PATJ: variants seen among roughly 807,000 people sequenced by gnomAD.
The protein encoded by PATJ is PATJ crumbs cell polarity complex component.
Under a neutral mutation model 224.9 loss-of-function variants are expected in PATJ, and 190 were observed. The ratio of observed to expected loss-of-function variants is 0.84; its 90% confidence interval spans 0.75 to 0.95. PATJ has a LOEUF of 0.95. Ranked by LOEUF, PATJ falls within the 40% of genes least tolerant of loss-of-function variation. The pLI is 0.00. For missense variants in PATJ, 2,121 were observed against 2,270.3 expected (o/e 0.93, Z 1.34); for synonymous variants, 769 against 820.3 (o/e 0.94, Z 1.07).
chr1:62,119,186 G>T (rs1185699800), intron 37 of PATJ, among the ~76,000 whole-genome samples: 1 of 152,090 alleles, frequency 6.6e-6, no homozygotes, highest in South Asian at 2.1e-4. Flanking sequence ...TCATCACCTT[G>T]TGCTTAAAAT....
At chr1:62,047,529 C>T (rs754844838) in intron 30 of PATJ, among the ~76,000 whole-genome samples, 9 of 152,156 alleles carry the variant, frequency 5.9e-5, no homozygotes, top group Non-Finnish European at 1.0e-4. Flanking sequence ...GGATTACAGG[C>T]GTGAGCCACC....
intron 17 of PATJ, among the ~76,000 whole-genome samples, chr1:61,836,977 T>C (rs1660281803): frequency 6.6e-6 from 1 of 152,240 alleles, no homozygotes; most frequent in Admixed American, 6.5e-5. Context: ...TTAGCATTAT[T>C]GTAGAGATTG....
At chr1:62,158,982 TA>T (rs1558251607) in intron 43 of PATJ, among the ~76,000 whole-genome samples, 1 of 152,130 alleles carries the variant, frequency 6.6e-6, no homozygotes. Flanking sequence ...CTTGCATTAC[TA>T]AAAAAGATAA....
At chr1:62,035,942 G>A (rs1272951165) in intron 29 of PATJ, among the ~76,000 whole-genome samples, 1 of 152,084 alleles carries the variant, frequency 6.6e-6, no homozygotes, top group Non-Finnish European at 1.5e-5. Flanking sequence ...AAGCAGAGCA[G>A]AAGAGAGTGG....
rs567297698 is a variant in PATJ, at chr1:61,945,803, C to T, written c.3670+17974C>T. 8.9e-4 allele frequency among the ~76,000 whole-genome samples: 136 copies of T among 152,276 alleles called. 2 individuals are homozygous for T. The highest frequency in any genetic ancestry group is 3.0e-3 in the African/African-American group (124 of 41,556). On this transcript the variant is annotated intron_variant, in intron 27 of 43. Transcript: ENST00000642238. ...ACATCGCACTTATTCCAAAATTGAC[C>T]ACATAGTTGAAAGTAAAGCACTCCT...
At chr1:61,933,751 T>C (rs1676387982) in intron 27 of PATJ, among the ~76,000 whole-genome samples, 1 of 152,156 alleles carries the variant, frequency 6.6e-6, no homozygotes. Context: ...TAAAATGTTA[T>C]GTCTTCTCCA....
chr1:62,017,529 AC>A (rs1646841560), intron 28 of PATJ, among the ~76,000 whole-genome samples: 1 of 151,572 alleles, frequency 6.6e-6, no homozygotes, highest in Admixed American at 6.6e-5. Context: ...TTTAAGACCA[AC>A]CCCAACCTAG....
intron 24 of PATJ, 57 bp from the exon 25 acceptor site, chr1:61,908,315 A>G (rs1461014695): frequency 1.8e-6 from 2 of 1,138,202 alleles, no homozygotes; most frequent in African/African-American, 3.0e-5. Context: ...CTTTGAATTA[A>G]CCTGTCCACA....
intron 43 of PATJ, among the ~76,000 whole-genome samples, chr1:62,156,540 C>T (rs1021975594): frequency 1.4e-5 from 2 of 146,934 alleles, no homozygotes; most frequent in African/African-American, 5.0e-5. Context: ...AAAAAAAAAA[C>T]CTCCAATGTA....
At chr1:61,923,569 G>A (rs578003582) in intron 26 of PATJ, among the ~76,000 whole-genome samples, 16 of 151,968 alleles carry the variant, frequency 1.1e-4, no homozygotes, top group East Asian at 1.9e-4. Context: ...CAAATCACCC[G>A]AAACTCATTT....
At chr1:61,931,779 A>C (rs571528052) in intron 27 of PATJ, among the ~76,000 whole-genome samples, 4 of 152,144 alleles carry the variant, frequency 2.6e-5, no homozygotes, top group African/African-American at 9.7e-5. Flanking sequence ...TGAAACCTAA[A>C]TGAAGAAGGA....
chr1:62,009,569 C>A (rs1112774), intron 28 of PATJ, among the ~76,000 whole-genome samples: 1 of 151,198 alleles, frequency 6.6e-6, no homozygotes, highest in Non-Finnish European at 1.5e-5. Flanking sequence ...GCTGTGACAA[C>A]TTCTTAAGAT....
At chr1:62,115,164 G>T (rs1462893021) in intron 35 of PATJ, among the ~76,000 whole-genome samples, 1 of 152,038 alleles carries the variant, frequency 6.6e-6, no homozygotes, top group Admixed American at 6.6e-5. Context: ...CAAAAAATTA[G>T]CCAGGCATAG....
intron 17 of PATJ, among the ~76,000 whole-genome samples, chr1:61,844,593 T>C (rs1034486741): frequency 6.6e-6 from 1 of 152,154 alleles, no homozygotes; most frequent in Non-Finnish European, 1.5e-5. Flanking sequence ...TACTTGTTCT[T>C]TTTTTATTAT....
At chr1:62,090,221 T>A (rs1007151860) in intron 33 of PATJ, among the ~76,000 whole-genome samples, 1 of 152,174 alleles carries the variant, frequency 6.6e-6, no homozygotes, top group Non-Finnish European at 1.5e-5. Context: ...CTGGACCCAA[T>A]CCTCAATGAC....
rs752240785 is a variant in PATJ, at chr1:62,160,982, T to C, written c.5577T>C (p.Gly1859=). Residue 1859 remains glycine, a synonymous_variant, in exon 44 of 44, where the codon GGT becomes GGC. Coordinates refer to ENST00000642238, the MANE Select transcript of PATJ (RefSeq NM_001350145.3). The part of the protein sequence containing the change: ...ILAVNGETLE[G]VTHEQAVAIL... ...CTGTTAATGGCGAGACCCTGGAAGGTGTTACTCATGAGCAAGCAGTCGCCA... is the reference window on the plus strand; with the variant it reads ...CTGTTAATGGCGAGACCCTGGAAGGCGTTACTCATGAGCAAGCAGTCGCCA... The C allele has an allele frequency of 3.1e-6, 5 of 1,612,762 alleles. No homozygotes were observed. Among genetic ancestry groups the C allele is most frequent in the South Asian group, 2.2e-5 (2 of 90,784 alleles).
chr1:61,978,732 A>G (rs1436963617), intron 27 of PATJ, among the ~76,000 whole-genome samples: 8 of 152,092 alleles, frequency 5.3e-5, no homozygotes, highest in Non-Finnish European at 5.9e-5. Context: ...TTTGATGTAT[A>G]GAAGAGTGTT....
At chr1:62,020,970 T>C (rs1334529265) in intron 29 of PATJ, among the ~76,000 whole-genome samples, 1 of 151,814 alleles carries the variant, frequency 6.6e-6, no homozygotes, top group Non-Finnish European at 1.5e-5. Flanking sequence ...GGACTACAGG[T>C]GTGTACCACC....
intron 17 of PATJ, among the ~76,000 whole-genome samples, chr1:61,852,332 C>A (rs886632184): frequency 1.4e-4 from 22 of 152,064 alleles, no homozygotes; most frequent in Non-Finnish European, 1.5e-5. Flanking sequence ...GCTATTTAGT[C>A]TAAAGCGGCA....
Sources: gnomAD v4.1 joint callset for allele counts (sites outside exome capture counted in the v4.1 genomes callset) on GRCh38, gnomAD v4.1.1 for gene constraint, MANE v1.5 for transcripts, NCBI Gene and HGNC (gene_info 2026-07-23, HGNC 2026-07-21) for gene names.